Variants in GRM7 observed in about 807,000 individuals in gnomAD.
The protein encoded by GRM7 is metabotropic glutamate receptor 7.
In GRM7, 35 loss-of-function variants were observed where a neutral mutation model predicts 84.5. The ratio of observed to expected loss-of-function variants is 0.41; its 90% CI spans 0.32 to 0.55. GRM7 has a LOEUF of 0.55. GRM7 is among the 20% of genes least tolerant of loss of function. The pLI is 0.19. For synonymous variants in GRM7, 487 were observed against 455.1 expected (o/e 1.07, Z -0.89); for missense variants, 1,003 against 1,194.6 (o/e 0.84, Z 2.36).
intron 4 of GRM7, among the ~76,000 whole-genome samples, chr3:7,324,877 C>T (rs1288362884): frequency 6.6e-6 from 1 of 152,166 alleles, no homozygotes; most frequent in Non-Finnish European, 1.5e-5. Context: ...AACCTTGGCC[C>T]AGCACCTGTA....
chr3:7,000,471 G>A (rs938561167), intron 1 of GRM7, among the ~76,000 whole-genome samples: 5 of 152,112 alleles, frequency 3.3e-5, no homozygotes, highest in Non-Finnish European at 5.9e-5. Context: ...ACAGGCATGA[G>A]CCACCTCGCC....
chr3:6,948,135 T>C (rs752263434), intron 1 of GRM7, among the ~76,000 whole-genome samples: 10 of 151,562 alleles, frequency 6.6e-5, no homozygotes, highest in African/African-American at 1.2e-4. Context: ...CTAGTTCTTT[T>C]AATTGTGATG....
In GRM7 at chr3:7,206,029, C is replaced by T. The variant is rs56292110; in HGVS notation, c.736+59361C>T. Among the ~76,000 whole-genome samples, 386 of 152,282 alleles carry T rather than the reference C, an allele frequency of 2.5e-3. 3 individuals carry two copies. The highest frequency in any genetic ancestry group is 4.5e-3 in the Non-Finnish European group (305 of 68,020). Reference sequence around the variant, plus strand: ...ACTCTGGTCGTAACTCAAATATACACTAAAGTCTGATATTCAGGTGAGGAG... The same window carrying T: ...ACTCTGGTCGTAACTCAAATATACATTAAAGTCTGATATTCAGGTGAGGAG... On this transcript the variant is annotated intron_variant, in intron 2 of 9. Transcript: ENST00000357716.
At chr3:7,683,187 G>A (rs888547779) in intron 9 of GRM7, among the ~76,000 whole-genome samples, 2 of 152,114 alleles carry the variant, frequency 1.3e-5, no homozygotes, top group African/African-American at 2.4e-5. Flanking sequence ...ATACTGTAAC[G>A]TATTATTGCT....
chr3:7,503,257 T>C (rs1399440636), intron 7 of GRM7, among the ~76,000 whole-genome samples: 1 of 152,168 alleles, frequency 6.6e-6, no homozygotes, highest in Non-Finnish European at 1.5e-5. Context: ...CCAGATAATG[T>C]TTCTCCTCTT....
intron 2 of GRM7, among the ~76,000 whole-genome samples, chr3:7,282,883 G>C (rs1328089248): frequency 6.6e-6 from 1 of 152,200 alleles, no homozygotes; most frequent in Admixed American, 6.5e-5. Context: ...ATGTGGACCA[G>C]AGGAATTTAC....
rs111752136 is a variant in GRM7 at position 7,452,558 on chromosome 3, TTGTGTG to T, written c.1175-25_1175-20del. ...TTTGGACATTCTACTCAATGCCAATTTGTGTGTGTGTGTGTGTGTGTGTGTGTGTTT... is the reference window on the plus strand; with the variant it reads ...TTTGGACATTCTACTCAATGCCAATTTGTGTGTGTGTGTGTGTGTGTGTTT... On this transcript the variant is annotated intron_variant, in intron 5 of 9. Transcript: ENST00000357716. 5.0e-4 allele frequency: 507 copies of T among 1,005,530 alleles called. 1 individual carries two copies. Among genetic ancestry groups the T allele is most frequent in the African/African-American group, 2.3e-3 (144 of 62,544 alleles). 62.3% of individuals were successfully genotyped at this position (1,005,530 alleles called of 1,614,324 possible).
chr3:7,592,018 T>C (rs1177400902), intron 8 of GRM7, among the ~76,000 whole-genome samples: 1 of 152,140 alleles, frequency 6.6e-6, no homozygotes, highest in African/African-American at 2.4e-5. Context: ...AGATTAACAA[T>C]AGTATTTGTC....
At chr3:6,897,250 G>GT (rs1348699795) in intron 1 of GRM7, among the ~76,000 whole-genome samples, 1 of 152,164 alleles carries the variant, frequency 6.6e-6, no homozygotes, top group African/African-American at 2.4e-5. Context: ...TGTCCTGCTA[G>GT]TTCTCAAAGT....
chr3:7,174,553 A>G (rs1695083333), intron 2 of GRM7, among the ~76,000 whole-genome samples: 1 of 152,204 alleles, frequency 6.6e-6, no homozygotes, highest in Non-Finnish European at 1.5e-5. Flanking sequence ...GTGGCTGACT[A>G]CAATAAAAGT....
chr3:7,435,164 C>CTT (rs1217707637), intron 5 of GRM7, among the ~76,000 whole-genome samples: 1 of 142,616 alleles, frequency 7.0e-6, no homozygotes, highest in Non-Finnish European at 1.5e-5. Flanking sequence ...TCTATATTTT[C>CTT]TTTTTTTTTT....
chr3:7,708,460 C>T (rs1440584604), intron 9 of GRM7, among the ~76,000 whole-genome samples: 2 of 152,080 alleles, frequency 1.3e-5, no homozygotes, highest in African/African-American at 4.8e-5. Context: ...TCAGAGGAGG[C>T]TTCCTGAGAG....
intron 8 of GRM7, among the ~76,000 whole-genome samples, chr3:7,623,305 T>G (rs1697448265): frequency 6.6e-6 from 1 of 152,172 alleles, no homozygotes; most frequent in Non-Finnish European, 1.5e-5. Flanking sequence ...GGACAGAGAC[T>G]GCTGGTCCTC....
chr3:7,283,510 A>G (rs1287889866), intron 2 of GRM7, among the ~76,000 whole-genome samples: 2 of 152,144 alleles, frequency 1.3e-5, no homozygotes, highest in Non-Finnish European at 2.9e-5. Context: ...TTTAATGGAT[A>G]TGAAAGACTG....
intron 9 of GRM7, chr3:7,691,300 C>CT: frequency 3.2e-6 from 4 of 1,265,820 alleles, no homozygotes; most frequent in Middle Eastern, 2.2e-4. Flanking sequence ...CTTAGGAAAA[C>CT]ATGACATGGA....
chr3:7,572,427 A>T (rs1216989334), intron 7 of GRM7, among the ~76,000 whole-genome samples: 1 of 152,110 alleles, frequency 6.6e-6, no homozygotes, highest in Non-Finnish European at 1.5e-5. Context: ...CAGAAACCTT[A>T]GGGAAGTCTC....
At chr3:7,560,528 C>A (rs1271074763) in intron 7 of GRM7, among the ~76,000 whole-genome samples, 1 of 152,144 alleles carries the variant, frequency 6.6e-6, no homozygotes, top group Admixed American at 6.5e-5. Context: ...CCCAGACCAA[C>A]AACATTACCT....
intron 1 of GRM7, among the ~76,000 whole-genome samples, chr3:7,082,831 G>A (rs1205277582): frequency 6.6e-6 from 1 of 152,096 alleles, no homozygotes; most frequent in Non-Finnish European, 1.5e-5. Flanking sequence ...CAGATGTGGT[G>A]GAAATTGCAA....
intron 8 of GRM7, among the ~76,000 whole-genome samples, chr3:7,635,740 C>T (rs558882757): frequency 6.6e-6 from 1 of 152,270 alleles, no homozygotes; most frequent in South Asian, 2.1e-4. Context: ...GTGGCACAAT[C>T]ATAGTTCACT....
Sources: allele counts gnomAD v4.1 joint callset (sites outside exome capture counted in the v4.1 genomes callset), GRCh38; gene constraint gnomAD v4.1.1; transcripts MANE v1.5; gene names NCBI Gene and HGNC (gene_info 2026-07-23, HGNC 2026-07-21).